USP42: variants seen among roughly 807,000 people sequenced by gnomAD.
The protein encoded by USP42 is ubiquitin carboxyl-terminal hydrolase 42.
Under a neutral mutation model 113.0 loss-of-function variants are expected in USP42, and 23 were observed. That is an observed-to-expected ratio of 0.20 (90% CI 0.15 to 0.29). The LOEUF (loss-of-function observed/expected upper bound fraction) is 0.29. Among genes scored for constraint, USP42 ranks in the 10% least tolerant of loss-of-function variants. The pLI is 1.00. For synonymous variants in USP42, 933 were observed against 699.0 expected (o/e 1.33, Z -5.28); for missense variants, 2,174 against 1,779.8 (o/e 1.22, Z -3.99).
chr7:6,146,114 C>A (rs1781703039), intron 10 of USP42, 34 bp from the exon 11 acceptor site: 7 of 1,386,580 alleles, frequency 5.0e-6, no homozygotes, highest in Non-Finnish European at 7.0e-6. Context: ...TTAATTAAAT[C>A]TAATCTCTCT....
rs955552824 is a variant in USP42 at position 6,149,999 on chromosome 7, C to T, written c.1803C>T (p.Ser601=). ...PVMNGKSKLN[S]SVLVPYGAES... is the part of the protein sequence containing the mutation. ...TGAATGGCAAATCCAAGCTGAACTC[C>T]AGCGTGCTGGTGCCCTATGGCGCCG... Residue 601 remains serine, a synonymous_variant, in exon 13 of 18, where the codon TCC becomes TCT. Coordinates refer to ENST00000306177, the MANE Select transcript of USP42 (RefSeq NM_032172.3). 1.9e-6 allele frequency: 3 copies of T among 1,613,644 alleles called. No homozygotes were observed. Among genetic ancestry groups the T allele is most frequent in the Admixed American group, 1.7e-5 (1 of 59,934 alleles).
At chr7:6,089,256 G>A in the USP42 span, among the ~76,000 whole-genome samples, 2 of 144,856 alleles carry the variant, frequency 1.4e-5, no homozygotes, top group Non-Finnish European at 3.0e-5. Context: ...GTTTCACCAT[G>A]TTGGCCAGGT....
chr7:6,154,928 T>G lies in USP42; in HGVS notation c.3374T>G (p.Leu1125Arg), dbSNP rs1450241036. 6.5e-7 allele frequency: 1 copy of G among 1,550,254 alleles called. No individual in the cohort carries two copies. Among genetic ancestry groups the G allele is most frequent in the Admixed American group, 2.0e-5 (1 of 50,996 alleles). Residue 1125 changes from leucine to arginine, a missense_variant, in exon 15 of 18, where the codon CTC (leucine) becomes CGC (arginine). Physicochemically the swap from Leu to Arg is moderately radical, Grantham distance 102 (BLOSUM62 -2). Coordinates refer to ENST00000306177, the MANE Select transcript of USP42 (RefSeq NM_032172.3). Reference protein sequence around the residue: ...SSPRAGAPHALAPHPDRFSHD... With the variant: ...SSPRAGAPHARAPHPDRFSHD... ...CCCCGCGCAGGCGCGCCCCACGCCCTCGCCCCGCACCCCGACCGCTTCTCC... is the reference window on the plus strand; with the variant it reads ...CCCCGCGCAGGCGCGCCCCACGCCCGCGCCCCGCACCCCGACCGCTTCTCC...
At chr7:6,144,805 G>A (rs774408739) in intron 9 of USP42, among the ~76,000 whole-genome samples, 56 of 152,064 alleles carry the variant, frequency 3.7e-4, no homozygotes, top group Admixed American at 7.2e-4. Context: ...AGGAGGCAGA[G>A]GTTGCAGTGA....
chr7:6,155,063 G>T lies in USP42; in HGVS notation c.3509G>T (p.Ser1170Ile). ...RKRRHDSVEN[S>I]DSHVEKKARR... is the part of the protein sequence containing the mutation. ...CGGAGACACGACAGTGTGGAGAACA[G>T]TGACAGTCATGTTGAAAAGAAAGCC... The change falls in exon 15 of 18, where the codon AGT (serine) becomes ATT (isoleucine). Residue 1170 changes from serine to isoleucine, a missense_variant. Coordinates refer to ENST00000306177, the MANE Select transcript of USP42 (RefSeq NM_032172.3). 1 of 1,563,606 alleles carries T rather than the reference G, an allele frequency of 6.4e-7. No individual in the cohort carries two copies. Among genetic ancestry groups the T allele is most frequent in the Non-Finnish European group, 8.7e-7 (1 of 1,154,030 alleles).
At chr7:6,086,657 TCCTTCCCTTCCC>T in the USP42 span, among the ~76,000 whole-genome samples, 55 of 150,106 alleles carry the variant, frequency 3.7e-4, 1 homozygote, top group South Asian at 3.1e-3. Context: ...TTTCCTTTCC[TCCTTCCCTTCCC>T]CCTTCCCTTC....
chr7:6,126,249 T>C (rs7790350), intron 3 of USP42, among the ~76,000 whole-genome samples: 11,565 of 152,192 alleles, frequency 0.076, 968 homozygotes, highest in East Asian at 0.45. Flanking sequence ...ATTCTTTCAT[T>C]GGTAGGTAGT....
the USP42 span, among the ~76,000 whole-genome samples, chr7:6,085,956 G>A: frequency 6.6e-6 from 1 of 150,716 alleles, no homozygotes; most frequent in African/African-American, 2.5e-5. Context: ...GCCACTCTTT[G>A]TAGGAGACCT....
the USP42 span, among the ~76,000 whole-genome samples, chr7:6,092,253 C>G: frequency 6.9e-6 from 1 of 144,206 alleles, no homozygotes; most frequent in African/African-American, 2.7e-5. Flanking sequence ...TCTCAGCTCA[C>G]TGCAACCTCC....
At chr7:6,095,394 G>T in the USP42 span, among the ~76,000 whole-genome samples, 2 of 151,200 alleles carry the variant, frequency 1.3e-5, no homozygotes, top group Non-Finnish European at 2.9e-5. Context: ...GAGGGGCCGG[G>T]TGTGGTGGCT....
At chr7:6,136,001 A>ATT in intron 4 of USP42, 50 bp downstream of exon 4, 3 of 917,218 alleles carry the variant, frequency 3.3e-6, no homozygotes, top group Non-Finnish European at 3.0e-6. Context: ...ACCTAGTTAT[A>ATT]CTTTTTTTTT....
At chr7:6,097,164 G>A in the USP42 span, among the ~76,000 whole-genome samples, 5 of 151,014 alleles carry the variant, frequency 3.3e-5, no homozygotes, top group Admixed American at 2.6e-4. Context: ...ATTAGCCCTG[G>A]CTTATACATG....
Position 6,153,975 on chromosome 7 carries a change from G to C in USP42, c.2421G>C (p.Glu807Asp), listed in dbSNP as rs778699862. Residue 807 changes from glutamate to aspartate, a missense_variant, in exon 15 of 18, where the codon GAG (glutamate) becomes GAC (aspartate). Glu to Asp is a conservative substitution (Grantham distance 45). Coordinates refer to ENST00000306177, the MANE Select transcript of USP42 (RefSeq NM_032172.3). ...AGGAGCCTCCGCCCAGCGCCGGCGA[G>C]GACATCGTGGGGGACACAGCACCCC... The part of the protein sequence containing the change: ...APEEPPPSAG[E>D]DIVGDTAPPD... The C allele has an allele frequency of 6.3e-7, 1 of 1,595,886 alleles. No homozygotes were observed. Among genetic ancestry groups the C allele is most frequent in the South Asian group, 1.1e-5 (1 of 90,722 alleles).
In USP42 at chr7:6,154,816, C is replaced by T; in HGVS notation, c.3262C>T (p.Leu1088=). ...HGGREHERAG[L]HERPHKDHNR... is the part of the protein sequence containing the mutation. ...CGGCCGCGAGCACGAGCGGGCCGGG[C>T]TGCACGAGCGGCCGCACAAGGACCA... The change falls in exon 15 of 18, where the codon CTG becomes TTG. Residue 1088 remains leucine (L), a synonymous_variant. Transcript: ENST00000306177. 2 of 1,543,462 alleles carry T rather than the reference C, an allele frequency of 1.3e-6. No individual in the cohort carries two copies. The highest frequency in any genetic ancestry group is 2.5e-5 in the East Asian group (1 of 40,502).
At chr7:6,110,326 T>A (rs10229248) in intron 1 of USP42, among the ~76,000 whole-genome samples, 2,010 of 152,318 alleles carry the variant, frequency 0.013, 52 homozygotes, top group African/African-American at 0.047. Flanking sequence ...GGGGATTCTG[T>A]CTGATCTCTC....
chr7:6,093,901 G>GT, the USP42 span, among the ~76,000 whole-genome samples: 2 of 150,834 alleles, frequency 1.3e-5, no homozygotes, highest in African/African-American at 5.0e-5. Flanking sequence ...AGGTTATTTT[G>GT]TTTTTTTAAG....
At chr7:6,151,020 C>G (rs1429834540) in intron 14 of USP42, among the ~76,000 whole-genome samples, 1 of 152,228 alleles carries the variant, frequency 6.6e-6, no homozygotes, top group Admixed American at 6.5e-5. Flanking sequence ...GGCCACAAAC[C>G]TGCACAGCCT....
At chr7:6,091,250 G>C in the USP42 span, among the ~76,000 whole-genome samples, 1 of 150,148 alleles carries the variant, frequency 6.7e-6, no homozygotes, top group African/African-American at 2.5e-5. Flanking sequence ...TTTGAGGCAG[G>C]GTCTTGCTCT....
At chr7:6,128,717 G>C (rs925098504) in intron 3 of USP42, among the ~76,000 whole-genome samples, 1 of 151,442 alleles carries the variant, frequency 6.6e-6, no homozygotes, top group Non-Finnish European at 1.5e-5. Context: ...TTTTTGTTCT[G>C]TTCTTTTTTA....
Sources: gnomAD v4.1 joint callset for allele counts (sites outside exome capture counted in the v4.1 genomes callset) on GRCh38, gnomAD v4.1.1 for gene constraint, MANE v1.5 for transcripts, NCBI Gene and HGNC (gene_info 2026-07-23, HGNC 2026-07-21) for gene names.